The following CCDC30 variants were observed in gnomAD, a reference collection of about 807,000 sequenced individuals.
CCDC30 encodes coiled-coil domain-containing protein 30.
A neutral mutation model predicts 100.2 loss-of-function variants in CCDC30; 70 were observed. The ratio of observed to expected loss-of-function variants is 0.70; its 90% CI spans 0.58 to 0.85. The LOEUF is 0.85. Among genes scored for constraint, CCDC30 ranks in the 40% least tolerant of loss-of-function variants. The pLI is 0.00. For missense variants in CCDC30, 652 were observed against 771.2 expected, an observed-to-expected ratio of 0.85 and a Z score of 1.83; for synonymous variants, 233 against 269.5, an observed-to-expected ratio of 0.86 and a Z score of 1.33.
intron 9 of CCDC30, among the ~76,000 whole-genome samples, chr1:42,586,501 C>T (rs1646072499): frequency 1.3e-5 from 2 of 152,000 alleles, no homozygotes; most frequent in Admixed American, 1.3e-4. Context: ...GACAGGATCT[C>T]CCTATGTTGC....
At chr1:42,581,387 C>G in exon 9 of CCDC30, 1 of 1,606,956 alleles carries the variant, frequency 6.2e-7, no homozygotes, top group South Asian at 1.1e-5. Context: ...GAAATTAGAA[C>G]ATGCTCATAA....
rs1383808388 is a variant in CCDC30 at position 42,596,960 on chromosome 1, C to T, written c.1164+7477C>T. Among the ~76,000 whole-genome samples the T allele has an allele frequency of 2.6e-5, 4 of 152,016 alleles. No homozygotes were observed. Among genetic ancestry groups the T allele is most frequent in the East Asian group, 3.9e-4 (2 of 5,176 alleles). ...CTAAGAAAGAACCACATAGAAATTCCGTTACAGTGTTTTTGATTTTTAAGT... is the reference window on the plus strand; with the variant it reads ...CTAAGAAAGAACCACATAGAAATTCTGTTACAGTGTTTTTGATTTTTAAGT... On this transcript the variant is annotated intron_variant, in intron 10 of 16. Transcript: ENST00000668663. This position sits in a 1 kb window ranked among gnomAD's most constrained non-coding sequence, Gnocchi z 4.3.
At position 42,542,539 on chromosome 1, in the gene CCDC30, C is replaced by CTTTTTTTT. The variant is rs58751072; in HGVS notation, c.457-23742_457-23735dup. ...CACACCTGGCTAATTTTAAATTTTTCTTTTTTTTTTTTTTTTTTTTTTGAG... is the reference window on the plus strand; with the variant it reads ...CACACCTGGCTAATTTTAAATTTTTCTTTTTTTTTTTTTTTTTTTTTTTTTTTTTTGAG... On this transcript the variant is annotated intron_variant, in intron 6 of 16. Coordinates refer to ENST00000668663, the Ensembl canonical transcript of CCDC30. Among the ~76,000 whole-genome samples the CTTTTTTTT allele has an allele frequency of 7.0e-3, 526 of 75,554 alleles. 45 individuals are homozygous for CTTTTTTTT. Among genetic ancestry groups the CTTTTTTTT allele is most frequent in the East Asian group, 0.025 (38 of 1,518 alleles). 49.6% of individuals were successfully genotyped at this position (75,554 alleles called of 152,430 possible).
chr1:42,634,898 C>T (rs1052349669), intron 11 of CCDC30, among the ~76,000 whole-genome samples: 1 of 152,160 alleles, frequency 6.6e-6, no homozygotes, highest in Non-Finnish European at 1.5e-5. Context: ...TACTTTCTTT[C>T]TCTCTAAATT....
At chr1:42,633,856 G>T (rs1454625591) in intron 11 of CCDC30, among the ~76,000 whole-genome samples, 1 of 152,168 alleles carries the variant, frequency 6.6e-6, no homozygotes, top group African/African-American at 2.4e-5. Flanking sequence ...ACATTTAATT[G>T]ACTCACAGTT....
chr1:42,644,078 G>A (rs1647669322), intron 13 of CCDC30, among the ~76,000 whole-genome samples: 1 of 151,942 alleles, frequency 6.6e-6, no homozygotes, highest in Non-Finnish European at 1.5e-5. Flanking sequence ...GGTGTATTAG[G>A]GTTCTCTTAG....
At chr1:42,587,733 AC>A (rs1318501052) in intron 9 of CCDC30, among the ~76,000 whole-genome samples, 2 of 152,210 alleles carry the variant, frequency 1.3e-5, no homozygotes. Context: ...TGCAGGTGAG[AC>A]TTTTGCCCAC....
At chr1:42,485,149 GTC>G (rs1644029818) in intron 3 of CCDC30, among the ~76,000 whole-genome samples, 1 of 151,998 alleles carries the variant, frequency 6.6e-6, no homozygotes. Context: ...AATAATACAG[GTC>G]TCTACCTTAC....
At position 42,629,158 on chromosome 1, in the gene CCDC30, C is replaced by A. The variant is rs141394001; in HGVS notation, c.1278-8079C>A. On this transcript the variant is annotated intron_variant, in intron 11 of 16. Transcript: ENST00000668663. ...CAGAAGATTTCTTATTAGTCATTAA[C>A]GTCCTTTGCTTTCTGATTGAAGTAC... 4.0e-3 allele frequency among the ~76,000 whole-genome samples: 609 copies of A among 152,318 alleles called. 4 individuals are homozygous for A. The highest frequency in any genetic ancestry group is 0.014 in the African/African-American group (589 of 41,584).
At chr1:42,651,899 T>C (rs1033197888) in intron 15 of CCDC30, among the ~76,000 whole-genome samples, 1 of 152,012 alleles carries the variant, frequency 6.6e-6, no homozygotes, top group African/African-American at 2.4e-5. Flanking sequence ...TGAAAGATAA[T>C]GTGTTGGCAA....
chr1:42,621,556 G>T (rs1261027749), intron 11 of CCDC30, among the ~76,000 whole-genome samples: 1 of 151,020 alleles, frequency 6.6e-6, no homozygotes, highest in African/African-American at 2.4e-5. Flanking sequence ...CTGTGGTCTA[G>T]GCTGGAGTGC....
chr1:42,604,456 T>C (rs1382879568), intron 10 of CCDC30, among the ~76,000 whole-genome samples: 3 of 152,214 alleles, frequency 2.0e-5, no homozygotes, highest in Non-Finnish European at 4.4e-5. Context: ...ATTCTGACTA[T>C]ACATTCAAGA....
chr1:42,568,294 T>C (rs994448219), intron 7 of CCDC30, among the ~76,000 whole-genome samples: 2 of 152,146 alleles, frequency 1.3e-5, no homozygotes, highest in Non-Finnish European at 1.5e-5. Flanking sequence ...TTTGTATTTT[T>C]AGTAGAGGCA....
At chr1:42,548,518 T>A (rs187404897) in intron 6 of CCDC30, among the ~76,000 whole-genome samples, 1 of 152,050 alleles carries the variant, frequency 6.6e-6, no homozygotes, top group African/African-American at 2.4e-5. Flanking sequence ...GTAAAATGGA[T>A]AGAAAAATAG....
chr1:42,493,484 G>A (rs1644179245), intron 4 of CCDC30, among the ~76,000 whole-genome samples: 1 of 152,080 alleles, frequency 6.6e-6, no homozygotes, highest in African/African-American at 2.4e-5. Flanking sequence ...GCTAACTCGG[G>A]AGGCTGAGGC....
At chr1:42,508,679 G>A (rs1644431875) in intron 6 of CCDC30, among the ~76,000 whole-genome samples, 1 of 152,108 alleles carries the variant, frequency 6.6e-6, no homozygotes, top group African/African-American at 2.4e-5. Context: ...GTGTGTGTAT[G>A]TGTTTTCCCA....
At chr1:42,469,459 G>C (rs1480042638) in intron 1 of CCDC30, among the ~76,000 whole-genome samples, 2 of 152,178 alleles carry the variant, frequency 1.3e-5, no homozygotes, top group African/African-American at 4.8e-5. Flanking sequence ...GAGTGTGGGA[G>C]ACAAATTGTC....
chr1:42,601,367 A>AT lies in CCDC30; in HGVS notation c.1165-9609dup, dbSNP rs560940202. Among the ~76,000 whole-genome samples, 1,003 of 152,268 alleles carry AT rather than the reference A, an allele frequency of 6.6e-3. 2 individuals are homozygous for AT. Among genetic ancestry groups the AT allele is most frequent in the Non-Finnish European group, 0.01 (697 of 68,014 alleles). On this transcript the variant is annotated intron_variant, in intron 10 of 16. Coordinates refer to ENST00000668663, the Ensembl canonical transcript of CCDC30. ...AGGCAGCTTGAAACAAAGAGAGGGGATTGGGACTAACAACCCCAGCCCACA... is the reference window on the plus strand; with the variant it reads ...AGGCAGCTTGAAACAAAGAGAGGGGATTTGGGACTAACAACCCCAGCCCACA...
At chr1:42,603,494 A>C (rs1646445154) in intron 10 of CCDC30, among the ~76,000 whole-genome samples, 1 of 152,244 alleles carries the variant, frequency 6.6e-6, no homozygotes, top group Non-Finnish European at 1.5e-5. Context: ...TTCACTATAA[A>C]TGCTGTCAGT....
Sources: gnomAD v4.1 joint callset for allele counts (sites outside exome capture counted in the v4.1 genomes callset) on GRCh38, gnomAD v4.1.1 for gene constraint, Gnocchi (gnomAD v3.1) non-coding constraint, MANE v1.5 for transcripts, NCBI Gene and HGNC (gene_info 2026-07-23, HGNC 2026-07-21) for gene names.